The following RAPGEF5 variants were observed in gnomAD, a reference collection of about 807,000 sequenced individuals.
RAPGEF5 encodes the protein M-Ras-regulated GEF.
Under a neutral mutation model 125.2 loss-of-function variants are expected in RAPGEF5, and 65 were observed. That is an observed-to-expected ratio of 0.52 (90% CI 0.43 to 0.64). The LOEUF (loss-of-function observed/expected upper bound fraction) is 0.64, where lower values mean the gene tolerates loss of function less well. Among genes scored for constraint, RAPGEF5 ranks in the 30% least tolerant of loss-of-function variants. The pLI, the probability that RAPGEF5 is intolerant of heterozygous loss-of-function variation, is 0.00. For synonymous variants in RAPGEF5, 391 were observed against 385.9 expected, an observed-to-expected ratio of 1.01 and a Z score of -0.16; for missense variants, 958 against 1,048.1, an observed-to-expected ratio of 0.91 and a Z score of 1.19.
rs896991269 is a variant in RAPGEF5 at position 22,121,244 on chromosome 7, G to C, written c.*1162C>G. ...AGATTTTGAAAAAAAAAAAAAAAAA[G>C]GCAAATTATAGAAAGGCTCCCTGCT... On this transcript the variant is annotated 3_prime_UTR_variant, in exon 26 of 26. Transcript: ENST00000665637. The C allele has an allele frequency of 3.6e-5, 4 of 112,396 alleles. No individual in the cohort carries two copies. The highest frequency in any genetic ancestry group is 1.3e-4 in the African/African-American group (4 of 30,240). The allele number at this position is 112,396 out of a possible 1,614,324, so 7.0% of individuals were successfully genotyped here. A position where few individuals can be genotyped will look rare whatever the true frequency, so the allele number is the denominator to read the frequency against.
chr7:22,243,508 G>A lies in RAPGEF5; in HGVS notation c.797-12589C>T, dbSNP rs765447862. On this transcript the variant is annotated intron_variant, in intron 7 of 25. Coordinates refer to ENST00000665637, the MANE Select transcript of RAPGEF5 (RefSeq NM_012294.5). Reference sequence around the variant, plus strand: ...TGACCTCAGGTGATCCACCCGTCTCGGCCTCCCAAAGTGCTAGGATTACAG... The same window carrying A: ...TGACCTCAGGTGATCCACCCGTCTCAGCCTCCCAAAGTGCTAGGATTACAG... 7.9e-5 allele frequency among the ~76,000 whole-genome samples: 12 copies of A among 152,050 alleles called. No individual in the cohort carries two copies. In the East Asian group the frequency reaches 1.2e-3, roughly 15 times the overall value.
chr7:22,354,661 G>A (rs1005410311), intron 1 of RAPGEF5, among the ~76,000 whole-genome samples: 1 of 152,174 alleles, frequency 6.6e-6, no homozygotes, highest in African/African-American at 2.4e-5. Flanking sequence ...AGGTCATGAT[G>A]GTGGGGCCCT....
At chr7:22,172,339 G>T (rs969569614) in intron 11 of RAPGEF5, among the ~76,000 whole-genome samples, 3 of 152,062 alleles carry the variant, frequency 2.0e-5, no homozygotes, top group Admixed American at 1.3e-4. Context: ...GGCCAGGTTG[G>T]TCTCGAACTC....
rs1170348056 is a variant in RAPGEF5 at position 22,334,140 on chromosome 7, C to T, written c.232-16103G>A. 2.0e-5 allele frequency among the ~76,000 whole-genome samples: 3 copies of T among 152,244 alleles called. No individual in the cohort carries two copies. In the East Asian group the frequency reaches 5.8e-4, roughly 29 times the overall value. ...GCCAATCCACCCACACCCCACGGAC[C>T]TCAGCATGGGCCCGAGCCTGACCCT... On this transcript the variant is annotated intron_variant, in intron 1 of 25. Transcript: ENST00000665637.
At chr7:22,300,132 A>C (rs1335816163) in intron 5 of RAPGEF5, among the ~76,000 whole-genome samples, 1 of 152,166 alleles carries the variant, frequency 6.6e-6, no homozygotes, top group Non-Finnish European at 1.5e-5. Context: ...AGTGTCCACC[A>C]AGTCCCTGAG....
chr7:22,357,037 G>C lies in RAPGEF5; in HGVS notation c.24C>G (p.Val8=), dbSNP rs1784435852. 1.2e-5 allele frequency: 12 copies of C among 1,032,622 alleles called. No homozygotes were observed. The South Asian group carries it at 4.9e-4, about 42-fold the overall frequency. 64.0% of individuals were successfully genotyped at this position (1,032,622 alleles called of 1,614,324 possible). A position where few individuals can be genotyped will look rare whatever the true frequency, so the allele number is the denominator to read the frequency against. MRMAVGS[V]KMQPPCESPA... ...GGCTCTCGCACGGCGGCTGCATCTT[G>C]ACGGAGCCCACGGCCATCCTCATGC... The change falls in exon 1 of 26, where the codon GTC becomes GTG. Residue 8 remains valine, a synonymous_variant. Coordinates refer to ENST00000665637, the MANE Select transcript of RAPGEF5 (RefSeq NM_012294.5).
intron 1 of RAPGEF5, among the ~76,000 whole-genome samples, chr7:22,338,518 G>T (rs563918821): frequency 6.6e-6 from 1 of 152,162 alleles, no homozygotes; most frequent in African/African-American, 2.4e-5. Flanking sequence ...AGTAGCTAAG[G>T]ACTGGGATAA....
rs939042189 is a variant in RAPGEF5 at position 22,275,872 on chromosome 7, C to T, written c.748-8860G>A. ...ATAACTGTTGGAAACCATTTCCTGT[C>T]GTGGAAATCTCATGAATTTCATGGT... On this transcript the variant is annotated intron_variant, in intron 6 of 25. Transcript: ENST00000665637. Among the ~76,000 whole-genome samples, 8 of 152,278 alleles carry T rather than the reference C, an allele frequency of 5.3e-5. No individual in the cohort carries two copies. The East Asian group carries it at 5.8e-4, about 11-fold the overall frequency.
chr7:22,134,145 A>C (rs963684233), intron 23 of RAPGEF5, among the ~76,000 whole-genome samples: 4 of 152,222 alleles, frequency 2.6e-5, no homozygotes, highest in African/African-American at 9.7e-5. Context: ...CTAAGAATTA[A>C]TGTTGTATAT....
At chr7:22,253,030 G>C (rs1786662822) in intron 7 of RAPGEF5, among the ~76,000 whole-genome samples, 1 of 152,120 alleles carries the variant, frequency 6.6e-6, no homozygotes, top group South Asian at 2.1e-4. Flanking sequence ...GGTGGAGACA[G>C]GACGTGAATA....
At chr7:22,231,649 A>T (rs1786060896) in intron 7 of RAPGEF5, among the ~76,000 whole-genome samples, 1 of 152,206 alleles carries the variant, frequency 6.6e-6, no homozygotes, top group South Asian at 2.1e-4. Context: ...GCTTCCTCCA[A>T]ATGTCCAATT....
intron 20 of RAPGEF5, among the ~76,000 whole-genome samples, chr7:22,144,361 G>A (rs1485770324): frequency 1.3e-5 from 2 of 152,202 alleles, no homozygotes; most frequent in African/African-American, 2.4e-5. Flanking sequence ...CAGAGGGGAA[G>A]TAGAGGCAGT....
At chr7:22,259,825 C>CCCACCT (rs1257779902) in intron 7 of RAPGEF5, among the ~76,000 whole-genome samples, 1 of 152,222 alleles carries the variant, frequency 6.6e-6, no homozygotes, top group East Asian at 1.9e-4. Context: ...GTCTCGAACT[C>CCCACCT]CTGACCTCGT....
intron 18 of RAPGEF5, among the ~76,000 whole-genome samples, chr7:22,149,893 G>C (rs1783563734): frequency 1.3e-5 from 2 of 152,066 alleles, no homozygotes; most frequent in Admixed American, 1.3e-4. Context: ...TTTCACTTAG[G>C]CAGGGTTTAG....
chr7:22,329,457 T>C (rs1783873251), intron 1 of RAPGEF5, among the ~76,000 whole-genome samples: 1 of 152,146 alleles, frequency 6.6e-6, no homozygotes, highest in South Asian at 2.1e-4. Flanking sequence ...TTCCCCCCAC[T>C]CTGGTTCCTC....
At chr7:22,282,556 T>C (rs913415307) in intron 6 of RAPGEF5, among the ~76,000 whole-genome samples, 5 of 152,242 alleles carry the variant, frequency 3.3e-5, no homozygotes, top group Non-Finnish European at 5.9e-5. Flanking sequence ...CACATAGATA[T>C]TATTTTTAAT....
chr7:22,176,201 C>T (rs1168387136), intron 11 of RAPGEF5, among the ~76,000 whole-genome samples: 2 of 152,130 alleles, frequency 1.3e-5, no homozygotes, highest in African/African-American at 2.4e-5. Context: ...GACTTATTCA[C>T]TATCATGAGA....
At chr7:22,193,144 C>A (rs779931908) in intron 11 of RAPGEF5, 13 of 575,376 alleles carry the variant, frequency 2.3e-5, no homozygotes, top group Admixed American at 1.3e-4. Context: ...GCCTTCATAT[C>A]ATTTTCTTTG....
intron 23 of RAPGEF5, among the ~76,000 whole-genome samples, chr7:22,133,672 C>T (rs757888103): frequency 9.9e-5 from 15 of 152,082 alleles, no homozygotes; most frequent in Non-Finnish European, 2.1e-4. Flanking sequence ...CCACAGGAAC[C>T]CCAGTTTATC....
Sources: allele counts gnomAD v4.1 joint callset (sites outside exome capture counted in the v4.1 genomes callset), GRCh38; gene constraint gnomAD v4.1.1; transcripts MANE v1.5; gene names NCBI Gene and HGNC (gene_info 2026-07-23, HGNC 2026-07-21).